Variants in NEK5 observed in about 807,000 individuals in gnomAD.
NEK5 encodes serine/threonine-protein kinase Nek5.
In NEK5, 88 loss-of-function variants were observed where a neutral mutation model predicts 109.2. That is an observed-to-expected ratio of 0.81 (90% CI 0.68 to 0.96). The LOEUF (loss-of-function observed/expected upper bound fraction) is 0.96, where lower values mean the gene tolerates loss of function less well. NEK5 is among the 40% of genes least tolerant of loss of function. The pLI is 0.00. For synonymous variants in NEK5, 283 were observed against 299.9 expected (o/e 0.94, Z 0.58); for missense variants, 834 against 920.7 (o/e 0.91, Z 1.22).
chr13:52,108,445 A>G (rs1566812398), intron 7 of NEK5, 41 bp from the exon 8 acceptor site: 2 of 1,296,666 alleles, frequency 1.5e-6, no homozygotes, highest in African/African-American at 1.5e-5. Context: ...ATGATTTTTT[A>G]TTGGAGTAAG....
intron 5 of NEK5, among the ~76,000 whole-genome samples, chr13:52,111,068 A>G (rs1955749717): frequency 6.6e-6 from 1 of 152,166 alleles, no homozygotes; most frequent in Admixed American, 6.5e-5. Context: ...AAATATCAGT[A>G]TATCTAATAT....
chr13:52,072,480 C>T (rs921151101), intron 19 of NEK5, among the ~76,000 whole-genome samples: 3 of 152,186 alleles, frequency 2.0e-5, no homozygotes, highest in East Asian at 1.9e-4. Context: ...TTCTGTTTCA[C>T]GCAGATCAAA....
rs1036854347 is a variant in NEK5 at position 52,054,588 on chromosome 13, G to A, written c.2111-4367C>T. Among the ~76,000 whole-genome samples, 3 of 151,462 alleles carry A rather than the reference G, an allele frequency of 2.0e-5. No individual in the cohort carries two copies. In the South Asian group the frequency reaches 6.3e-4, roughly 32 times the overall value. On this transcript the variant is annotated intron_variant, in intron 22 of 23. Transcript: ENST00000684899. ...AAGAGAGCAGTGGTTCTCCCAGCACGCAGCTGGAGATCTGAGAACAGGCAG... is the reference window on the plus strand; with the variant it reads ...AAGAGAGCAGTGGTTCTCCCAGCACACAGCTGGAGATCTGAGAACAGGCAG...
At chr13:52,071,322 A>T (rs908210472) in intron 20 of NEK5, among the ~76,000 whole-genome samples, 1 of 152,182 alleles carries the variant, frequency 6.6e-6, no homozygotes, top group Non-Finnish European at 1.5e-5. Flanking sequence ...CATTCCTTCC[A>T]CATGTAGCCC....
At position 52,127,598 on chromosome 13, in the gene NEK5, G is replaced by A. The variant is rs968935432; in HGVS notation, c.-26C>T. 1.5e-6 allele frequency: 1 copy of A among 669,660 alleles called. No individual in the cohort carries two copies. Among genetic ancestry groups the A allele is most frequent in the African/African-American group, 1.8e-5 (1 of 55,094 alleles). The allele number at this position is 669,660 out of a possible 1,614,324, so 41.5% of individuals were successfully genotyped here. ...ACTAAAGTGTAAAAGAACTCACTTA[G>A]CTAAAACTTTCCTCCCAGCCTTGCC... On this transcript the variant is annotated 5_prime_UTR_variant, in exon 2 of 24. Coordinates refer to ENST00000684899, the MANE Select transcript of NEK5 (RefSeq NM_001365552.1).
intron 16 of NEK5, among the ~76,000 whole-genome samples, chr13:52,085,719 T>C (rs541555538): frequency 9.2e-5 from 14 of 152,202 alleles, no homozygotes; most frequent in Non-Finnish European, 2.1e-4. Context: ...GAAGCTCTTC[T>C]GAAGAAGCAG....
At chr13:52,040,514 C>G (rs1044989467) in intron 23 of NEK5, among the ~76,000 whole-genome samples, 2 of 152,128 alleles carry the variant, frequency 1.3e-5, no homozygotes, top group East Asian at 3.8e-4. Flanking sequence ...ACTTCCTGCT[C>G]TTTACCGAGG....
intron 23 of NEK5, among the ~76,000 whole-genome samples, chr13:52,046,945 C>A (rs1954464608): frequency 1.3e-5 from 2 of 152,112 alleles, no homozygotes; most frequent in South Asian, 4.1e-4. Context: ...AAAAATGGCC[C>A]ATGAACGAAT....
intron 17 of NEK5, among the ~76,000 whole-genome samples, chr13:52,080,925 C>T (rs925715993): frequency 2.8e-5 from 4 of 140,520 alleles, no homozygotes; most frequent in East Asian, 4.2e-4. Context: ...GTGGTAAAGG[C>T]GATGTTATAT....
chr13:52,050,286 C>G, intron 22 of NEK5, 65 bp from the exon 23 acceptor site: 2 of 409,358 alleles, frequency 4.9e-6, no homozygotes, highest in Non-Finnish European at 6.6e-6. Context: ...GGGGCATATA[C>G]CAAAAACCTG....
intron 7 of NEK5, 36 bp from the exon 8 acceptor site, chr13:52,108,440 T>A: frequency 6.8e-6 from 9 of 1,322,822 alleles, no homozygotes; most frequent in Non-Finnish European, 9.7e-6. Flanking sequence ...TCAGCATGAT[T>A]TTTTATTGGA....
At chr13:52,064,102 G>A (rs1423785506) in intron 21 of NEK5, among the ~76,000 whole-genome samples, 10 of 142,078 alleles carry the variant, frequency 7.0e-5, no homozygotes, top group Non-Finnish European at 1.2e-4. Context: ...GGTGAGGGGT[G>A]CCTCTGCCCG....
At chr13:52,111,686 AC>A (rs1955762480) in intron 5 of NEK5, among the ~76,000 whole-genome samples, 1 of 152,074 alleles carries the variant, frequency 6.6e-6, no homozygotes, top group African/African-American at 2.4e-5. Context: ...ACACATACAA[AC>A]CTGTCTCCTT....
chr13:52,068,219 C>T (rs963244773), intron 20 of NEK5, among the ~76,000 whole-genome samples: 81 of 152,212 alleles, frequency 5.3e-4, no homozygotes, highest in African/African-American at 7.2e-4. Context: ...ATTAAATTTT[C>T]GGTCCAAACT....
intron 3 of NEK5, among the ~76,000 whole-genome samples, chr13:52,122,878 G>A (rs192824388): frequency 1.3e-5 from 2 of 152,160 alleles, no homozygotes; most frequent in Non-Finnish European, 2.9e-5. Flanking sequence ...TAGTGATTAA[G>A]AAAGAGGTTA....
chr13:52,101,752 T>C (rs1955536969), intron 11 of NEK5, among the ~76,000 whole-genome samples, 181 bp downstream of exon 11: 1 of 152,162 alleles, frequency 6.6e-6, no homozygotes, highest in African/African-American at 2.4e-5. Context: ...ATGAGCTAGA[T>C]ATACAACTTT....
rs552262751 is a variant in NEK5 at position 52,084,172 on chromosome 13, C to T, written c.1480-820G>A. On this transcript the variant is annotated intron_variant, in intron 16 of 23. Transcript: ENST00000684899. ...CTATGATTGTTTTATACATGTGTCTCGTCATTCCAACCATTTATAAGTAGA... is the reference window on the plus strand; with the variant it reads ...CTATGATTGTTTTATACATGTGTCTTGTCATTCCAACCATTTATAAGTAGA... Among the ~76,000 whole-genome samples, 14 of 152,262 alleles carry T rather than the reference C, an allele frequency of 9.2e-5. No individual in the cohort carries two copies. The South Asian group carries it at 2.3e-3, about 25-fold the overall frequency.
chr13:52,093,722 G>A (rs1041287828), intron 12 of NEK5, among the ~76,000 whole-genome samples: 3 of 152,006 alleles, frequency 2.0e-5, no homozygotes, highest in African/African-American at 7.3e-5. Context: ...AAAGACCTAA[G>A]TACTAGATAG....
In NEK5 at chr13:52,037,098, T is replaced by C; in HGVS notation, c.2349A>G (p.Arg783=). The C allele has an allele frequency of 4.1e-6, 4 of 985,438 alleles. No homozygotes were observed. Among genetic ancestry groups the C allele is most frequent in the Non-Finnish European group, 4.8e-6 (4 of 829,930 alleles). The allele number at this position is 985,438 out of a possible 1,614,324, so 61.0% of individuals were successfully genotyped here. Residue 783 remains arginine, a synonymous_variant, in exon 24 of 24, where the codon AGA becomes AGG. Coordinates refer to ENST00000684899, the MANE Select transcript of NEK5 (RefSeq NM_001365552.1). ...TTATCCCCTCTCTTTCTCTTGACTTTCTAGAGTCCTTAGAGGTACTGGAGG... is the reference window on the plus strand; with the variant it reads ...TTATCCCCTCTCTTTCTCTTGACTTCCTAGAGTCCTTAGAGGTACTGGAGG... ...EEASSTSKDS[R]KSREREGISM...
Sources: allele counts gnomAD v4.1 joint callset (sites outside exome capture counted in the v4.1 genomes callset), GRCh38; gene constraint gnomAD v4.1.1; transcripts MANE v1.5; gene names NCBI Gene and HGNC (gene_info 2026-07-23, HGNC 2026-07-21).